Variants in ACTR3B observed in about 807,000 individuals in gnomAD.
ACTR3B encodes actin-related protein 3B.
In ACTR3B, 8 loss-of-function variants were observed where a neutral mutation model predicts 59.0. That is an observed-to-expected ratio of 0.14 (90% CI 0.08 to 0.24). ACTR3B has a LOEUF of 0.24. ACTR3B is among the 10% of genes least tolerant of loss of function. ACTR3B has a pLI of 1.00. For missense variants in ACTR3B, 245 were observed against 552.3 expected (o/e 0.44, Z 5.58); for synonymous variants, 148 against 197.9 (o/e 0.75, Z 2.12).
intron 4 of ACTR3B, among the ~76,000 whole-genome samples, chr7:152,804,155 T>TA (rs2098245093): frequency 6.6e-6 from 1 of 152,174 alleles, no homozygotes; most frequent in East Asian, 1.9e-4. Context: ...AGACTCAGCT[T>TA]ACACTGGTTA....
chr7:152,853,644 T>C, intron 11 of ACTR3B, 67 bp downstream of exon 11: 1 of 1,402,788 alleles, frequency 7.1e-7, no homozygotes, highest in Non-Finnish European at 1.0e-6. Flanking sequence ...GGGTAAATAC[T>C]GTCTACGAAG....
chr7:152,775,763 A>G (rs2098134949), intron 1 of ACTR3B, among the ~76,000 whole-genome samples: 1 of 152,128 alleles, frequency 6.6e-6, no homozygotes, highest in Non-Finnish European at 1.5e-5. Context: ...CCGTCTCAAA[A>G]AAAAAAAAAA....
At chr7:152,775,564 A>G (rs2098134399) in intron 1 of ACTR3B, among the ~76,000 whole-genome samples, 1 of 152,084 alleles carries the variant, frequency 6.6e-6, no homozygotes, top group African/African-American at 2.4e-5. Flanking sequence ...GTTTGAGAGC[A>G]GCCTGACCAA....
At chr7:152,803,793 G>A (rs555833594) in intron 4 of ACTR3B, among the ~76,000 whole-genome samples, 112 of 152,306 alleles carry the variant, frequency 7.4e-4, no homozygotes, top group African/African-American at 2.5e-3. Context: ...AAAACAATCA[G>A]GTTTATTATT....
chr7:152,784,127 G>T (rs2689475), intron 2 of ACTR3B, among the ~76,000 whole-genome samples: 1 of 152,148 alleles, frequency 6.6e-6, no homozygotes, highest in Admixed American at 6.5e-5. Flanking sequence ...GGAACTATCT[G>T]TATTTCAGGT....
chr7:152,832,093 A>T (rs960619812), intron 9 of ACTR3B, among the ~76,000 whole-genome samples: 7 of 152,176 alleles, frequency 4.6e-5, no homozygotes, highest in African/African-American at 1.7e-4. Flanking sequence ...CGTATTGGGA[A>T]ATGGCTGTAG....
chr7:152,808,125 T>C (rs558807779), intron 4 of ACTR3B, among the ~76,000 whole-genome samples: 1 of 152,314 alleles, frequency 6.6e-6, no homozygotes, highest in African/African-American at 2.4e-5. Context: ...TGGAATCATA[T>C]AGTATTTGTC....
chr7:152,765,367 T>C (rs941433259), intron 1 of ACTR3B, among the ~76,000 whole-genome samples: 4 of 151,764 alleles, frequency 2.6e-5, no homozygotes, highest in African/African-American at 9.7e-5. Flanking sequence ...TCTGCCTGCC[T>C]GGGCCTCCCA....
chr7:152,816,119 G>A lies in ACTR3B; in HGVS notation c.433-362G>A, dbSNP rs553027102. On this transcript the variant is annotated intron_variant, in intron 5 of 11. Coordinates refer to ENST00000256001, the MANE Select transcript of ACTR3B (RefSeq NM_020445.6). ...GTGTCACCACGCCTGGCTAATTTTTGTATTATTTGTAGAGATGGGGTTTCA... is the reference window on the plus strand; with the variant it reads ...GTGTCACCACGCCTGGCTAATTTTTATATTATTTGTAGAGATGGGGTTTCA... Among the ~76,000 whole-genome samples the A allele has an allele frequency of 3.3e-5, 5 of 152,112 alleles. No individual in the cohort carries two copies. The East Asian group carries it at 7.8e-4, about 24-fold the overall frequency.
At chr7:152,780,553 T>G (rs1473327541) in intron 1 of ACTR3B, among the ~76,000 whole-genome samples, 1 of 151,894 alleles carries the variant, frequency 6.6e-6, no homozygotes, top group Non-Finnish European at 1.5e-5. Flanking sequence ...CATCAGTGTT[T>G]AGTTGAATTT....
At chr7:152,829,057 TAC>T (rs1194718052) in intron 9 of ACTR3B, among the ~76,000 whole-genome samples, 111 of 144,702 alleles carry the variant, frequency 7.7e-4, no homozygotes, top group Admixed American at 1.8e-3. Flanking sequence ...TATATATATA[TAC>T]ACACACACAC....
At chr7:152,815,252 A>G (rs931677366) in intron 5 of ACTR3B, among the ~76,000 whole-genome samples, 4 of 152,232 alleles carry the variant, frequency 2.6e-5, no homozygotes, top group African/African-American at 9.6e-5. Flanking sequence ...GAAAAGTTCC[A>G]TAGAAAGATG....
Position 152,823,422 on chromosome 7 carries a change from G to C in ACTR3B, c.765G>C (p.Gln255His), listed in dbSNP as rs766854697. 6.2e-7 allele frequency: 1 copy of C among 1,614,244 alleles called. No homozygotes were observed. Among genetic ancestry groups the C allele is most frequent in the Non-Finnish European group, 8.5e-7 (1 of 1,180,050 alleles). Residue 255 changes from glutamine (Q) to histidine (H), a missense_variant, in exon 8 of 12, where the codon CAG becomes CAC. By Grantham distance (24) the Gln-to-His change is conservative. Around this residue, in one of 7 missense-constraint regions of ACTR3B, gnomAD observed 153 missense variants for 266.2 expected, o/e 0.57. Transcript: ENST00000256001. The stretch of plus-strand genomic sequence containing the variant: ...TGGATCCCCGGAAGTGGATCAAACA[G>C]TACACGGGTATCAATGCGATCAACC... ...YDVDPRKWIK[Q>H]YTGINAINQK...
In ACTR3B at chr7:152,849,972, C is replaced by T. The variant is rs142986690; in HGVS notation, c.952-2154C>T. Among the ~76,000 whole-genome samples the T allele has an allele frequency of 1.1e-3, 164 of 150,720 alleles. 1 individual carries two copies. The highest frequency in any genetic ancestry group is 3.6e-3 in the African/African-American group (149 of 40,894). The stretch of plus-strand genomic sequence containing the variant: ...CCAGGTGGAAGGCCAGATCACTGGT[C>T]ACTTCTCCAGGTGGAAGGCCAGCTT... On this transcript the variant is annotated intron_variant, in intron 9 of 11. Transcript: ENST00000256001.
chr7:152,771,948 C>G (rs2098125091), intron 1 of ACTR3B, among the ~76,000 whole-genome samples: 1 of 151,978 alleles, frequency 6.6e-6, no homozygotes, highest in Non-Finnish European at 1.5e-5. Flanking sequence ...GCCTGTAAAT[C>G]CAGCTACTCG....
intron 9 of ACTR3B, among the ~76,000 whole-genome samples, chr7:152,835,685 C>T (rs1197572619): frequency 1.3e-5 from 2 of 152,170 alleles, no homozygotes; most frequent in Non-Finnish European, 2.9e-5. Context: ...TCTAGTGAGG[C>T]GTCCTGACCA....
Position 152,774,027 on chromosome 7 carries a change from T to C in ACTR3B, c.45-9160T>C, listed in dbSNP as rs192113952. Among the ~76,000 whole-genome samples the C allele has an allele frequency of 4.5e-3, 686 of 152,354 alleles. 1 individual carries two copies. The highest frequency in any genetic ancestry group is 7.9e-3 in the Non-Finnish European group (537 of 68,022). ...GCTCTTGCCCCTGCTGTCTTTCTTA[T>C]ATCTCTAAAGTCAGGCACGATGGGT... On this transcript the variant is annotated intron_variant, in intron 1 of 11. Coordinates refer to ENST00000256001, the MANE Select transcript of ACTR3B (RefSeq NM_020445.6).
intron 2 of ACTR3B, among the ~76,000 whole-genome samples, chr7:152,795,006 C>T (rs1590277029): frequency 1.3e-5 from 2 of 149,908 alleles, no homozygotes; most frequent in South Asian, 2.1e-4. Flanking sequence ...TCAAGATGCC[C>T]TTCTGAGAAA....
At chr7:152,759,974 C>G in intron 1 of ACTR3B, 48 bp downstream of exon 1, 1 of 1,298,404 alleles carries the variant, frequency 7.7e-7, no homozygotes, top group South Asian at 2.1e-5. Flanking sequence ...GCCCCGCTCC[C>G]GGCCCCTGGC....
Sources: gnomAD v4.1 joint callset for allele counts (sites outside exome capture counted in the v4.1 genomes callset) on GRCh38, gnomAD v4.1.1 for gene constraint, gnomAD v4.1.1 regional missense constraint, MANE v1.5 for transcripts, NCBI Gene and HGNC (gene_info 2026-07-23, HGNC 2026-07-21) for gene names.